Variants in UNC5C observed in about 807,000 individuals in gnomAD.
UNC5C encodes unc-5 netrin receptor C.
In UNC5C, 47 loss-of-function variants were observed where a neutral mutation model predicts 99.8. That is an observed-to-expected ratio of 0.47 (90% confidence interval 0.37 to 0.60). UNC5C has a LOEUF of 0.60. Among genes scored for constraint, UNC5C ranks in the 20% least tolerant of loss-of-function variants. The probability of loss-of-function intolerance (pLI) is 0.00; values close to 1 mark genes in which losing one functional copy is unlikely to be tolerated. For missense variants in UNC5C, 1,062 were observed against 1,165.9 expected, an observed-to-expected ratio of 0.91 and a Z score of 1.30; for synonymous variants, 487 against 452.2, an observed-to-expected ratio of 1.08 and a Z score of -0.98.
At chr4:95,243,307 C>T (rs942429330) in intron 6 of UNC5C, among the ~76,000 whole-genome samples, 1 of 152,060 alleles carries the variant, frequency 6.6e-6, no homozygotes, top group Non-Finnish European at 1.5e-5. Context: ...TTACTTTCTT[C>T]CTAATTTTGG....
At chr4:95,444,034 A>T (rs930198325) in intron 1 of UNC5C, among the ~76,000 whole-genome samples, 1 of 152,210 alleles carries the variant, frequency 6.6e-6, no homozygotes, top group Non-Finnish European at 1.5e-5. Flanking sequence ...GATGGCTATT[A>T]ATATAGCGCA....
chr4:95,472,149 A>G (rs1032602013), intron 1 of UNC5C, among the ~76,000 whole-genome samples: 2 of 152,182 alleles, frequency 1.3e-5, no homozygotes, highest in Non-Finnish European at 2.9e-5. Flanking sequence ...AAAATATTTC[A>G]TAACTTCCAT....
intron 2 of UNC5C, among the ~76,000 whole-genome samples, chr4:95,333,702 C>A (rs1340790620): frequency 6.6e-6 from 1 of 151,994 alleles, no homozygotes; most frequent in Non-Finnish European, 1.5e-5. Flanking sequence ...GCACATGTAC[C>A]CTAAAACTTA....
intron 4 of UNC5C, among the ~76,000 whole-genome samples, chr4:95,266,463 T>C (rs933808056): frequency 6.6e-6 from 1 of 152,244 alleles, no homozygotes; most frequent in Non-Finnish European, 1.5e-5. Context: ...CTAGAGCATA[T>C]TGACAGTATA....
rs1382586679 is a variant in UNC5C at position 95,164,266 on chromosome 4, C to G, written c.*4968G>C. 6.6e-6 allele frequency: 1 copy of G among 152,170 alleles called. No homozygotes were observed. The highest frequency in any genetic ancestry group is 1.5e-5 in the Non-Finnish European group (1 of 68,026). The allele number at this position is 152,170 out of a possible 1,614,324, so 9.4% of individuals were successfully genotyped here. Reference sequence around the variant, plus strand: ...TCTGGAAATGACTTCATTTGGCTTTCCTGGCCTGTATGGATATGGGTTTAC... The same window carrying G: ...TCTGGAAATGACTTCATTTGGCTTTGCTGGCCTGTATGGATATGGGTTTAC... On this transcript the variant is annotated 3_prime_UTR_variant, in exon 16 of 16. Transcript: ENST00000453304.
intron 9 of UNC5C, among the ~76,000 whole-genome samples, chr4:95,217,216 GA>G (rs539539797): frequency 6.6e-6 from 1 of 152,302 alleles, no homozygotes; most frequent in African/African-American, 2.4e-5. Flanking sequence ...CGAGGAAATG[GA>G]ATATGCCAAA....
intron 12 of UNC5C, among the ~76,000 whole-genome samples, chr4:95,187,312 C>T (rs903841531): frequency 2.6e-5 from 4 of 152,156 alleles, no homozygotes; most frequent in African/African-American, 9.7e-5. Context: ...CTCATCAAGA[C>T]GTCTAAAGAG....
In UNC5C at chr4:95,248,441, C is replaced by T. The variant is rs188030159; in HGVS notation, c.775+2046G>A. 6.3e-5 allele frequency: 26 copies of T among 410,738 alleles called. No homozygotes were observed. In the East Asian group the frequency reaches 1.0e-3, roughly 16 times the overall value. The allele number at this position is 410,738 out of a possible 1,614,324, so 25.4% of individuals were successfully genotyped here. A position where few individuals can be genotyped will look rare whatever the true frequency, so the allele number is the denominator to read the frequency against. On this transcript the variant is annotated intron_variant, in intron 5 of 15. Coordinates refer to ENST00000453304, the MANE Select transcript of UNC5C (RefSeq NM_003728.4). ...AGATTAAGAGTTATTTTAATAAGAT[C>T]GATACAGAATTATCTGGATCGTAAC... is the stretch of plus-strand genomic sequence containing the variant.
chr4:95,192,101 C>T (rs139261802), intron 12 of UNC5C, among the ~76,000 whole-genome samples: 3 of 136,726 alleles, frequency 2.2e-5, no homozygotes, highest in African/African-American at 8.3e-5. Flanking sequence ...TCCTCCCCTG[C>T]TCACTTCCTC....
chr4:95,411,782 T>G (rs1309520682), intron 1 of UNC5C, among the ~76,000 whole-genome samples: 1 of 152,188 alleles, frequency 6.6e-6, no homozygotes, highest in East Asian at 1.9e-4. Context: ...ACTTTTCTGA[T>G]GGATTTCAGC....
At chr4:95,463,954 A>G (rs1747691115) in intron 1 of UNC5C, among the ~76,000 whole-genome samples, 1 of 152,232 alleles carries the variant, frequency 6.6e-6, no homozygotes, top group Non-Finnish European at 1.5e-5. Context: ...TAAATAATGA[A>G]GCATTTTAAT....
chr4:95,278,648 A>T (rs1289352411), intron 3 of UNC5C, among the ~76,000 whole-genome samples: 7 of 151,366 alleles, frequency 4.6e-5, no homozygotes, highest in Admixed American at 6.6e-5. Context: ...CTATTTTTTT[A>T]AAAAAATTTT....
At chr4:95,348,214 G>A (rs1743849581) in intron 1 of UNC5C, among the ~76,000 whole-genome samples, 1 of 151,710 alleles carries the variant, frequency 6.6e-6, no homozygotes, top group Non-Finnish European at 1.5e-5. Flanking sequence ...GAAATTTAAT[G>A]ACCAGTAAAG....
At chr4:95,199,840 C>T (rs1560728565) in intron 12 of UNC5C, among the ~76,000 whole-genome samples, 1 of 152,158 alleles carries the variant, frequency 6.6e-6, no homozygotes, top group Non-Finnish European at 1.5e-5. Context: ...ATACCATTTT[C>T]CCTAATTCAA....
At chr4:95,259,864 T>C (rs1740156367) in intron 4 of UNC5C, among the ~76,000 whole-genome samples, 2 of 152,206 alleles carry the variant, frequency 1.3e-5, no homozygotes, top group African/African-American at 4.8e-5. Context: ...TATATTTTTA[T>C]AATTTTTAAT....
intron 2 of UNC5C, among the ~76,000 whole-genome samples, chr4:95,307,741 A>C (rs543963596): frequency 2.0e-5 from 3 of 152,296 alleles, no homozygotes; most frequent in African/African-American, 2.4e-5. Flanking sequence ...AACAAACCAA[A>C]TGCAACAGCA....
intron 1 of UNC5C, among the ~76,000 whole-genome samples, chr4:95,405,812 C>A (rs1389761068): frequency 2.6e-5 from 4 of 152,162 alleles, no homozygotes; most frequent in Non-Finnish European, 5.9e-5. Flanking sequence ...GATATATTTT[C>A]TCACTGCCTT....
chr4:95,436,261 T>C (rs961555550), intron 1 of UNC5C, among the ~76,000 whole-genome samples: 1 of 151,862 alleles, frequency 6.6e-6, no homozygotes, highest in African/African-American at 2.4e-5. Flanking sequence ...CCATAGTATA[T>C]TTTTCTGAAA....
intron 1 of UNC5C, among the ~76,000 whole-genome samples, chr4:95,447,944 A>G (rs892131171): frequency 6.6e-6 from 1 of 152,182 alleles, no homozygotes; most frequent in Non-Finnish European, 1.5e-5. Flanking sequence ...CTGGCACCAT[A>G]GGATAGACAG....
Sources: allele counts gnomAD v4.1 joint callset (sites outside exome capture counted in the v4.1 genomes callset), GRCh38; gene constraint gnomAD v4.1.1; transcripts MANE v1.5; gene names NCBI Gene and HGNC (gene_info 2026-07-23, HGNC 2026-07-21).